WASL: variants seen among roughly 807,000 people sequenced by gnomAD.
The protein encoded by WASL is actin nucleation-promoting factor WASL.
WASL carries 20 observed loss-of-function variants against 55.5 expected under a neutral mutation model. That is an observed-to-expected ratio of 0.36 (90% confidence interval 0.25 to 0.52). The LOEUF (loss-of-function observed/expected upper bound fraction) is 0.52. WASL is among the 20% of genes least tolerant of loss of function. The pLI, the probability that WASL is intolerant of heterozygous loss-of-function variation, is 0.92. For synonymous variants in WASL, 249 were observed against 217.6 expected (o/e 1.14, Z -1.27); for missense variants, 504 against 622.5 (o/e 0.81, Z 2.03).
intron 1 of WASL, among the ~76,000 whole-genome samples, chr7:123,735,361 A>T (rs1290205941): frequency 6.9e-6 from 1 of 144,990 alleles, no homozygotes; most frequent in Non-Finnish European, 1.5e-5. Flanking sequence ...GCATTCAATC[A>T]AAAGTTGCCA....
chr7:123,730,127 T>C (rs1318650030), intron 1 of WASL, among the ~76,000 whole-genome samples: 1 of 152,158 alleles, frequency 6.6e-6, no homozygotes, highest in African/African-American at 2.4e-5. Flanking sequence ...AAAATTATCC[T>C]TCAAACATTT....
At chr7:123,696,453 G>A (rs915747388) in intron 6 of WASL, 126 bp downstream of exon 6, 20 of 788,088 alleles carry the variant, frequency 2.5e-5, no homozygotes, top group East Asian at 2.1e-4. Flanking sequence ...TAGTTAAAAC[G>A]GTATCCAAGT....
intron 5 of WASL, among the ~76,000 whole-genome samples, chr7:123,697,778 T>C (rs749036402): frequency 3.3e-5 from 5 of 152,218 alleles, no homozygotes; most frequent in Non-Finnish European, 5.9e-5. Context: ...TTCAAGAGGG[T>C]TCCCACTATT....
intron 9 of WASL, among the ~76,000 whole-genome samples, chr7:123,690,552 T>G (rs1011703755): frequency 2.0e-5 from 1 of 50,344 alleles, no homozygotes; most frequent in Non-Finnish European, 4.5e-5. Context: ...AAAAGGAAAG[T>G]GATTATTTAG....
intron 1 of WASL, among the ~76,000 whole-genome samples, chr7:123,746,701 G>C (rs1050450831): frequency 2.6e-5 from 4 of 152,204 alleles, no homozygotes; most frequent in African/African-American, 9.7e-5. Flanking sequence ...AATACTGAGA[G>C]CCTATTCAGC....
intron 1 of WASL, among the ~76,000 whole-genome samples, chr7:123,716,178 C>T (rs1364520226): frequency 6.6e-6 from 1 of 151,988 alleles, no homozygotes; most frequent in Admixed American, 6.6e-5. Flanking sequence ...AAAGGGGGTA[C>T]CCTAGGAGTC....
chr7:123,747,553 C>G (rs546975155), intron 1 of WASL, among the ~76,000 whole-genome samples: 1 of 152,276 alleles, frequency 6.6e-6, no homozygotes, highest in African/African-American at 2.4e-5. Flanking sequence ...GTTTGGCATA[C>G]CTAATATTAC....
At chr7:123,700,569 G>A (rs1803572075) in intron 5 of WASL, among the ~76,000 whole-genome samples, 2 of 151,884 alleles carry the variant, frequency 1.3e-5, no homozygotes, top group African/African-American at 4.8e-5. Context: ...CCTCCCAGGT[G>A]GCTGGGACTA....
intron 1 of WASL, among the ~76,000 whole-genome samples, chr7:123,710,524 CT>C (rs1234983583): frequency 6.6e-6 from 1 of 151,976 alleles, no homozygotes; most frequent in East Asian, 1.9e-4. Context: ...ATGCACAAAT[CT>C]TTTATAATTA....
At chr7:123,747,028 T>A (rs1159690152) in intron 1 of WASL, among the ~76,000 whole-genome samples, 2 of 152,236 alleles carry the variant, frequency 1.3e-5, no homozygotes, top group East Asian at 3.8e-4. Context: ...AGTGGTGCTT[T>A]AAGAATCTTG....
chr7:123,688,916 A>T, intron 10 of WASL, 126 bp downstream of exon 10: 1 of 869,394 alleles, frequency 1.2e-6, no homozygotes, highest in Middle Eastern at 3.6e-4. Context: ...TAGTTACTCA[A>T]TTAGCAGAGA....
chr7:123,738,069 A>G (rs1584874435), intron 1 of WASL, among the ~76,000 whole-genome samples: 1 of 152,348 alleles, frequency 6.6e-6, no homozygotes, highest in East Asian at 1.9e-4. Flanking sequence ...AACTGATATG[A>G]AAAGATATTC....
intron 1 of WASL, among the ~76,000 whole-genome samples, chr7:123,725,321 C>T (rs371652835): frequency 6.6e-5 from 10 of 152,148 alleles, no homozygotes; most frequent in African/African-American, 2.2e-4. Context: ...CACTACTGTG[C>T]TATGAAAATA....
At chr7:123,748,191 T>A (rs1471151982) in intron 1 of WASL, among the ~76,000 whole-genome samples, 1 of 151,828 alleles carries the variant, frequency 6.6e-6, no homozygotes, top group African/African-American at 2.4e-5. Context: ...ACCTATCCAC[T>A]CCTCAAACCT....
Position 123,736,074 on chromosome 7 carries a change from A to C in WASL, c.117+12544T>G, listed in dbSNP as rs541402737. Among the ~76,000 whole-genome samples the C allele has an allele frequency of 3.9e-5, 6 of 152,290 alleles. No individual in the cohort carries two copies. In the South Asian group the frequency reaches 1.2e-3, roughly 32 times the overall value. ...ACAGAAAATTAAAGAAAAAAACAACAGCAGATTTCCTGTCAGAAATAATGC... is the reference window on the plus strand; with the variant it reads ...ACAGAAAATTAAAGAAAAAAACAACCGCAGATTTCCTGTCAGAAATAATGC... On this transcript the variant is annotated intron_variant, in intron 1 of 10. Coordinates refer to ENST00000223023, the MANE Select transcript of WASL (RefSeq NM_003941.4).
chr7:123,727,361 A>T (rs1386947480), intron 1 of WASL, among the ~76,000 whole-genome samples: 2 of 151,764 alleles, frequency 1.3e-5, no homozygotes, highest in Admixed American at 6.6e-5. Flanking sequence ...TGTCACACAC[A>T]CACACACACA....
At chr7:123,697,377 T>C (rs1432683236) in intron 5 of WASL, among the ~76,000 whole-genome samples, 1 of 152,104 alleles carries the variant, frequency 6.6e-6, no homozygotes, top group Non-Finnish European at 1.5e-5. Context: ...ACAGTAAAAA[T>C]GTCAAAGGCA....
chr7:123,711,552 A>G (rs1000936511), intron 1 of WASL, among the ~76,000 whole-genome samples: 1 of 152,240 alleles, frequency 6.6e-6, no homozygotes, highest in African/African-American at 2.4e-5. Flanking sequence ...GACATACCAC[A>G]GCACCTTGTA....
At position 123,713,780 on chromosome 7, in the gene WASL, G is replaced by A. The variant is rs150282596; in HGVS notation, c.118-4557C>T. Among the ~76,000 whole-genome samples, 6 of 152,296 alleles carry A rather than the reference G, an allele frequency of 3.9e-5. No homozygotes were observed. In the East Asian group the frequency reaches 1.2e-3, roughly 29 times the overall value. On this transcript the variant is annotated intron_variant, in intron 1 of 10. Transcript: ENST00000223023. ...CTTGAACAATATGGGTTTGAACTGT[G>A]TGGGTCCACTTACATGCAGATCTTC...
Sources: allele counts gnomAD v4.1 joint callset (sites outside exome capture counted in the v4.1 genomes callset), GRCh38; gene constraint gnomAD v4.1.1; transcripts MANE v1.5; gene names NCBI Gene and HGNC (gene_info 2026-07-23, HGNC 2026-07-21).